MSRA: variants seen among roughly 807,000 people sequenced by gnomAD.
The protein encoded by MSRA is methionine sulfoxide reductase A.
Under a neutral mutation model 31.3 loss-of-function variants are expected in MSRA, and 54 were observed. That is an observed-to-expected ratio of 1.73 (90% CI 1.39 to 2.17). The LOEUF (loss-of-function observed/expected upper bound fraction) is 2.17, where lower values mean the gene tolerates loss of function less well. MSRA is among the 30% of genes most tolerant of loss of function. The pLI, the probability that MSRA is intolerant of heterozygous loss-of-function variation, is 0.00. For missense variants in MSRA, 507 were observed against 300.9 expected (o/e 1.69, Z -5.07); for synonymous variants, 169 against 116.5 (o/e 1.45, Z -2.90).
At chr8:10,057,491 G>C (rs1403740894) in intron 1 of MSRA, among the ~76,000 whole-genome samples, 8 of 152,160 alleles carry the variant, frequency 5.3e-5, no homozygotes, top group African/African-American at 1.7e-4. Flanking sequence ...AGTCAGAACT[G>C]ATCTTATTTC....
chr8:10,421,548 G>A (rs1486736058), intron 5 of MSRA, among the ~76,000 whole-genome samples: 1 of 152,050 alleles, frequency 6.6e-6, no homozygotes, highest in Non-Finnish European at 1.5e-5. Context: ...CGGGCACTTG[G>A]AGAATCTCGG....
intron 2 of MSRA, among the ~76,000 whole-genome samples, chr8:10,219,140 A>G (rs927210919): frequency 6.6e-6 from 1 of 152,224 alleles, no homozygotes; most frequent in Non-Finnish European, 1.5e-5. Context: ...TTGAAATGAT[A>G]GAAATGGAGA....
At chr8:10,209,274 T>G (rs1247125576) in intron 2 of MSRA, among the ~76,000 whole-genome samples, 1 of 152,190 alleles carries the variant, frequency 6.6e-6, no homozygotes, top group Admixed American at 6.5e-5. Flanking sequence ...GGTCTTTTGA[T>G]GATTTATTTA....
intron 5 of MSRA, among the ~76,000 whole-genome samples, chr8:10,427,731 G>A (rs1312622833): frequency 6.6e-6 from 1 of 152,098 alleles, no homozygotes; most frequent in East Asian, 1.9e-4. Flanking sequence ...TCCCACTGTG[G>A]CCCTGCTGAG....
At chr8:10,355,222 A>T (rs529261813) in intron 5 of MSRA, among the ~76,000 whole-genome samples, 1 of 152,212 alleles carries the variant, frequency 6.6e-6, no homozygotes, top group African/African-American at 2.4e-5. Context: ...CCCAGAGGCC[A>T]TGGCAGTTTG....
chr8:10,070,934 T>TG (rs1221960856), intron 1 of MSRA, among the ~76,000 whole-genome samples: 2 of 152,248 alleles, frequency 1.3e-5, no homozygotes, highest in Non-Finnish European at 2.9e-5. Flanking sequence ...AGTCTTTGGC[T>TG]GTTACGAGTG....
At chr8:10,085,692 C>G (rs904724743) in intron 1 of MSRA, among the ~76,000 whole-genome samples, 8 of 152,204 alleles carry the variant, frequency 5.3e-5, no homozygotes, top group Non-Finnish European at 1.0e-4. Context: ...TCAATGCTGT[C>G]CAGTTTTAGA....
At chr8:10,075,869 T>A (rs545984253) in intron 1 of MSRA, among the ~76,000 whole-genome samples, 5 of 152,344 alleles carry the variant, frequency 3.3e-5, no homozygotes, top group African/African-American at 1.2e-4. Flanking sequence ...AATACCAAGA[T>A]ATGGAGACTC....
chr8:10,172,050 T>G (rs1463685908), intron 1 of MSRA, among the ~76,000 whole-genome samples: 1 of 152,210 alleles, frequency 6.6e-6, no homozygotes, highest in African/African-American at 2.4e-5. Flanking sequence ...GAAACTAATA[T>G]ACTCACTCCC....
chr8:10,059,271 A>T (rs972438568), intron 1 of MSRA, among the ~76,000 whole-genome samples: 10 of 152,348 alleles, frequency 6.6e-5, no homozygotes, highest in Middle Eastern at 6.8e-3. Context: ...ACACTTGTTA[A>T]GTGTCTTGTA....
At chr8:10,310,427 G>A (rs1801371219) in intron 4 of MSRA, among the ~76,000 whole-genome samples, 1 of 152,102 alleles carries the variant, frequency 6.6e-6, no homozygotes, top group South Asian at 2.1e-4. Flanking sequence ...TATCTTTGCT[G>A]TTTGCAAAAG....
chr8:10,061,943 T>G (rs1280304672), intron 1 of MSRA, among the ~76,000 whole-genome samples: 1 of 152,192 alleles, frequency 6.6e-6, no homozygotes, highest in Non-Finnish European at 1.5e-5. Flanking sequence ...GCAGTCCACG[T>G]GGGGCCTTGG....
At chr8:10,126,567 C>T (rs929889289) in intron 1 of MSRA, among the ~76,000 whole-genome samples, 1 of 152,116 alleles carries the variant, frequency 6.6e-6, no homozygotes, top group African/African-American at 2.4e-5. Context: ...GGCTAGAGTG[C>T]AGTGGCATGA....
intron 5 of MSRA, among the ~76,000 whole-genome samples, chr8:10,373,172 T>C (rs953557632): frequency 3.3e-5 from 5 of 152,212 alleles, no homozygotes; most frequent in Non-Finnish European, 7.3e-5. Context: ...ATTACAAGCG[T>C]GAGCCACCGC....
At chr8:10,301,407 C>T (rs1800836051) in intron 3 of MSRA, 127 bp from the exon 4 acceptor site, 1 of 670,792 alleles carries the variant, frequency 1.5e-6, no homozygotes, top group African/African-American at 1.8e-5. Flanking sequence ...AAAGTCTAAT[C>T]CTCCTTCCAT....
At position 10,221,641 on chromosome 8, in the gene MSRA, A is replaced by C. The variant is rs142088716; in HGVS notation, c.211+13740A>C. ...CAAACAAAAATCTCTAGCAGCTTAT[A>C]CTCCAGTAGGGTGGGACAGAAAATG... On this transcript the variant is annotated intron_variant, in intron 2 of 5. Coordinates refer to ENST00000317173, the MANE Select transcript of MSRA (RefSeq NM_012331.5). 1.3e-3 allele frequency among the ~76,000 whole-genome samples: 205 copies of C among 152,186 alleles called. 2 individuals carry two copies. Among genetic ancestry groups the C allele is most frequent in the Admixed American group, 5.0e-3 (77 of 15,284 alleles).
chr8:10,208,602 T>C (rs898919273), intron 2 of MSRA, among the ~76,000 whole-genome samples: 19 of 152,082 alleles, frequency 1.2e-4, no homozygotes, highest in African/African-American at 3.9e-4. Context: ...CTTCTTCTGT[T>C]GGGCCCATCT....
chr8:10,186,085 G>A (rs1026291039), intron 1 of MSRA, among the ~76,000 whole-genome samples: 4 of 152,112 alleles, frequency 2.6e-5, no homozygotes, highest in Non-Finnish European at 4.4e-5. Context: ...TCCTTACCGT[G>A]TTGGACCAGG....
intron 5 of MSRA, among the ~76,000 whole-genome samples, chr8:10,364,468 A>T (rs1192940341): frequency 1.3e-5 from 2 of 152,324 alleles, no homozygotes; most frequent in East Asian, 1.9e-4. Flanking sequence ...CAAGGAAGAG[A>T]ATTGTGGGAC....
Sources: gnomAD v4.1 joint callset for allele counts (sites outside exome capture counted in the v4.1 genomes callset) on GRCh38, gnomAD v4.1.1 for gene constraint, MANE v1.5 for transcripts, NCBI Gene and HGNC (gene_info 2026-07-23, HGNC 2026-07-21) for gene names.